SMARCAD1: variants seen among roughly 807,000 people sequenced by gnomAD.
SMARCAD1 encodes the protein SWI/SNF-related matrix-associated actin-dependent regulator of chromatin subfamily A containing DEAD/H box 1.
Under a neutral mutation model 127.1 loss-of-function variants are expected in SMARCAD1, and 25 were observed. The observed-to-expected ratio is 0.20, with a 90% CI of 0.14 to 0.27. The LOEUF is 0.27. Among genes scored for constraint, SMARCAD1 ranks in the 10% least tolerant of loss-of-function variants. The pLI, the probability that SMARCAD1 is intolerant of heterozygous loss-of-function variation, is 1.00. For missense variants in SMARCAD1, 807 were observed against 1,206.0 expected, an observed-to-expected ratio of 0.67 and a Z score of 4.90; for synonymous variants, 400 against 396.9, an observed-to-expected ratio of 1.01 and a Z score of -0.09.
Position 94,274,909 on chromosome 4 carries a change from A to G in SMARCAD1, c.1752A>G (p.Lys584=). The change falls in exon 14 of 24, where the codon AAA becomes AAG. Residue 584 remains lysine, a synonymous_variant. Coordinates refer to ENST00000354268, the MANE Select transcript of SMARCAD1 (RefSeq NM_020159.5). ...TTCTAGGTTCTCAAGAAGAACGTAA[A>G]CAAATTAGATTTAACATTCATAGTA... The part of the protein sequence containing the change: ...LCYYGSQEER[K]QIRFNIHSRY... 6.2e-7 allele frequency: 1 copy of G among 1,603,330 alleles called. No homozygotes were observed. Among genetic ancestry groups the G allele is most frequent in the Admixed American group, 1.7e-5 (1 of 60,018 alleles).
intron 16 of SMARCAD1, 145 bp downstream of exon 16, chr4:94,277,304 G>C (rs925122298): frequency 4.2e-5 from 39 of 938,872 alleles, no homozygotes; most frequent in Non-Finnish European, 5.4e-5. Context: ...ATTTGGATTG[G>C]TTTGGAAACC....
chr4:94,210,274 C>G (rs1476585292), intron 2 of SMARCAD1, among the ~76,000 whole-genome samples: 3 of 152,134 alleles, frequency 2.0e-5, no homozygotes, highest in Non-Finnish European at 4.4e-5. Context: ...TAAGTTTGTT[C>G]TAGGAATGTT....
chr4:94,208,689 A>G (rs1016521659), intron 2 of SMARCAD1, 105 bp downstream of exon 2: 16 of 1,115,118 alleles, frequency 1.4e-5, no homozygotes, highest in African/African-American at 1.2e-4. Flanking sequence ...ATATTGATGC[A>G]TTGTCCTGCG....
intron 2 of SMARCAD1, among the ~76,000 whole-genome samples, chr4:94,209,802 G>C (rs1477565180): frequency 6.6e-6 from 1 of 152,224 alleles, no homozygotes; most frequent in Non-Finnish European, 1.5e-5. Context: ...TTTAATCCCT[G>C]TGTTCACTCT....
rs1560504655 is a variant in SMARCAD1 at position 94,208,520 on chromosome 4, G to C, written c.126G>C (p.Glu42Asp). Residue 42 changes from glutamate to aspartate, a missense_variant, in exon 2 of 24, where the codon GAG (glutamate) becomes GAC (aspartate). Around this residue, in one of 8 missense-constraint regions of SMARCAD1, gnomAD observed 175 missense variants for 169.5 expected, o/e 1.03. Coordinates refer to ENST00000354268, the MANE Select transcript of SMARCAD1 (RefSeq NM_020159.5). ...CACCAATTTCTCTTAGTGCTGAAGA[G>C]GAGAATGCTGAAGGGGAAGTTAGCA... ...PSSPISLSAE[E>D]ENAEGEVSRA... 1.2e-6 allele frequency: 2 copies of C among 1,614,124 alleles called. No homozygotes were observed. The highest frequency in any genetic ancestry group is 1.1e-5 in the South Asian group (1 of 91,078).
At chr4:94,288,000 A>G (rs1390319914) in intron 23 of SMARCAD1, among the ~76,000 whole-genome samples, 1 of 151,892 alleles carries the variant, frequency 6.6e-6, no homozygotes, top group African/African-American at 2.4e-5. Flanking sequence ...AAATATATAT[A>G]TATTTTTTTA....
intron 3 of SMARCAD1, among the ~76,000 whole-genome samples, chr4:94,230,422 T>C (rs1327876270): frequency 1.3e-5 from 2 of 152,194 alleles, no homozygotes; most frequent in East Asian, 3.8e-4. Context: ...TTTTTGCAAC[T>C]CCATAGTACT....
chr4:94,249,831 C>T (rs1394569687), intron 7 of SMARCAD1, 76 bp downstream of exon 7: 34 of 841,656 alleles, frequency 4.0e-5, no homozygotes, highest in Non-Finnish European at 6.6e-5. Context: ...AGAGTTCAAC[C>T]ACATAAAAGC....
chr4:94,289,317 A>G (rs767706633), intron 23 of SMARCAD1, among the ~76,000 whole-genome samples, 156 bp from the exon 24 acceptor site: 2 of 152,172 alleles, frequency 1.3e-5, no homozygotes, highest in South Asian at 2.1e-4. Flanking sequence ...ATCTAAGTAG[A>G]GCTTAGGAAA....
At chr4:94,253,350 T>TA (rs1749567213) in intron 9 of SMARCAD1, 2 of 1,313,530 alleles carry the variant, frequency 1.5e-6, no homozygotes, top group African/African-American at 3.0e-5. Flanking sequence ...TCTGATCTGT[T>TA]ACTGCTGAGA....
chr4:94,287,625 C>T (rs1560574057), intron 23 of SMARCAD1, among the ~76,000 whole-genome samples: 1 of 152,128 alleles, frequency 6.6e-6, no homozygotes, highest in African/African-American at 2.4e-5. Context: ...CTGGCGATGG[C>T]ACCTAATAAT....
At chr4:94,219,409 C>T (rs9993132) in intron 2 of SMARCAD1, among the ~76,000 whole-genome samples, 4,285 of 152,036 alleles carry the variant, frequency 0.028, 183 homozygotes, top group African/African-American at 0.098. Flanking sequence ...GAGCCTTAAT[C>T]TCCTACTAGT....
At chr4:94,249,252 A>G (rs554023724) in intron 6 of SMARCAD1, among the ~76,000 whole-genome samples, 31 of 152,242 alleles carry the variant, frequency 2.0e-4, no homozygotes, top group Middle Eastern at 3.4e-3. Flanking sequence ...TCAGAATTTG[A>G]AATTTATAGG....
chr4:94,265,278 G>A (rs981327144), intron 10 of SMARCAD1, among the ~76,000 whole-genome samples: 2 of 151,842 alleles, frequency 1.3e-5, no homozygotes, highest in Non-Finnish European at 2.9e-5. Flanking sequence ...AATTGCATCA[G>A]CGTAAAACCT....
chr4:94,290,592 G>A lies in SMARCAD1; in HGVS notation c.*1058G>A. On this transcript the variant is annotated 3_prime_UTR_variant, in exon 24 of 24. Coordinates refer to ENST00000354268, the MANE Select transcript of SMARCAD1 (RefSeq NM_020159.5). The stretch of plus-strand genomic sequence containing the variant: ...AATTTCCAGTACAGGACCGCCTGAA[G>A]AGAGAGCCATTGTTCAATTCCAATT... 2.2e-6 allele frequency: 1 copy of A among 454,514 alleles called. No individual in the cohort carries two copies. The highest frequency in any genetic ancestry group is 1.6e-5 in the South Asian group (1 of 64,476). The allele number at this position is 454,514 out of a possible 1,614,324, so 28.2% of individuals were successfully genotyped here.
At chr4:94,243,262 A>G (rs1170674170) in intron 6 of SMARCAD1, among the ~76,000 whole-genome samples, 1 of 152,226 alleles carries the variant, frequency 6.6e-6, no homozygotes, top group Non-Finnish European at 1.5e-5. Context: ...AGAATTTTTT[A>G]TAATGCCTCA....
intron 3 of SMARCAD1, among the ~76,000 whole-genome samples, 167 bp downstream of exon 3, chr4:94,226,463 T>C (rs972900649): frequency 1.3e-5 from 2 of 149,736 alleles, no homozygotes; most frequent in East Asian, 2.0e-4. Context: ...CTCTAACTTA[T>C]AGTCATGGAG....
chr4:94,286,776 T>G (rs1029888646), intron 23 of SMARCAD1, among the ~76,000 whole-genome samples: 2 of 152,232 alleles, frequency 1.3e-5, no homozygotes, highest in African/African-American at 4.8e-5. Context: ...GCCTGTTATG[T>G]TCACCTACAT....
intron 6 of SMARCAD1, among the ~76,000 whole-genome samples, chr4:94,242,845 G>A (rs927684206): frequency 6.6e-6 from 1 of 152,142 alleles, no homozygotes; most frequent in East Asian, 1.9e-4. Flanking sequence ...GAGCCCAGAA[G>A]GTTGAGGCTT....
Sources: allele counts gnomAD v4.1 joint callset (sites outside exome capture counted in the v4.1 genomes callset), GRCh38; gene constraint gnomAD v4.1.1; regional missense constraint gnomAD v4.1.1; transcripts MANE v1.5; gene names NCBI Gene and HGNC (gene_info 2026-07-23, HGNC 2026-07-21).